Variants in CNGA1 observed in about 807,000 individuals in gnomAD.
CNGA1 encodes cyclic nucleotide-gated channel alpha-1.
CNGA1 carries 53 observed loss-of-function variants against 69.7 expected under a neutral mutation model. The ratio of observed to expected loss-of-function variants is 0.76; its 90% confidence interval spans 0.61 to 0.96. The LOEUF (loss-of-function observed/expected upper bound fraction) is 0.96, where lower values mean the gene tolerates loss of function less well. Among genes scored for constraint, CNGA1 ranks in the 40% least tolerant of loss-of-function variants. The pLI, the probability that CNGA1 is intolerant of heterozygous loss-of-function variation, is 0.00. For missense variants in CNGA1, 739 were observed against 811.2 expected (o/e 0.91, Z 1.08); for synonymous variants, 249 against 283.5 (o/e 0.88, Z 1.22).
At chr4:47,998,467 C>T (rs143958395) in intron 2 of CNGA1, among the ~76,000 whole-genome samples, 3,223 of 152,200 alleles carry the variant, frequency 0.021, 120 homozygotes, top group Admixed American at 0.1. Flanking sequence ...TCAGTGAAGA[C>T]CTCAGGCATT....
intron 6 of CNGA1, among the ~76,000 whole-genome samples, chr4:47,944,342 A>T (rs2110144150): frequency 6.6e-6 from 1 of 152,340 alleles, no homozygotes; most frequent in Middle Eastern, 3.4e-3. Flanking sequence ...AAGTGAGGTG[A>T]GGCTTAACAT....
rs371153637 is a variant in CNGA1, at chr4:47,952,724, T to G, written c.-14-21A>C. ...CATATCTGAGGAGAAAGAAGTCTTATTAGTGGAAAGGCTATTTTTATATAT... is the reference window on the plus strand; with the variant it reads ...CATATCTGAGGAGAAAGAAGTCTTAGTAGTGGAAAGGCTATTTTTATATAT... On this transcript the variant is annotated intron_variant, in intron 3 of 10. Transcript: ENST00000514170. 7.1e-5 allele frequency: 109 copies of G among 1,540,822 alleles called. No homozygotes were observed. In the African/African-American group the frequency reaches 1.3e-3, roughly 19 times the overall value.
At chr4:48,002,877 G>A (rs1714725367) in intron 2 of CNGA1, among the ~76,000 whole-genome samples, 1 of 152,134 alleles carries the variant, frequency 6.6e-6, no homozygotes, top group South Asian at 2.1e-4. Flanking sequence ...CCCACAGCCT[G>A]ATGGCCTCCC....
chr4:47,993,073 T>A (rs1742341736), intron 2 of CNGA1, among the ~76,000 whole-genome samples: 1 of 152,184 alleles, frequency 6.6e-6, no homozygotes, highest in African/African-American at 2.4e-5. Context: ...CTTTTTCATA[T>A]GTTGTTGGAT....
chr4:47,981,085 T>A (rs1180060167), intron 3 of CNGA1, among the ~76,000 whole-genome samples: 1 of 152,214 alleles, frequency 6.6e-6, no homozygotes, highest in Non-Finnish European at 1.5e-5. Context: ...ATATGACACT[T>A]CCTTTGGGGA....
At chr4:47,986,040 G>C (rs1378094181) in intron 2 of CNGA1, among the ~76,000 whole-genome samples, 1 of 152,146 alleles carries the variant, frequency 6.6e-6, no homozygotes, top group Non-Finnish European at 1.5e-5. Flanking sequence ...CTGGAGCTTT[G>C]CAGCATATTG....
At chr4:47,974,029 C>G (rs1202727014) in intron 3 of CNGA1, among the ~76,000 whole-genome samples, 2 of 150,446 alleles carry the variant, frequency 1.3e-5, no homozygotes, top group Non-Finnish European at 3.0e-5. Context: ...CCCATCAATA[C>G]AAAAAATACA....
At chr4:47,945,190 C>A (rs1739321279) in intron 6 of CNGA1, among the ~76,000 whole-genome samples, 2 of 151,822 alleles carry the variant, frequency 1.3e-5, no homozygotes, top group Non-Finnish European at 2.9e-5. Flanking sequence ...TAGCAAGACC[C>A]CATCTCAAAA....
At chr4:47,968,516 G>C (rs1160402455) in intron 3 of CNGA1, among the ~76,000 whole-genome samples, 1 of 152,060 alleles carries the variant, frequency 6.6e-6, no homozygotes, top group Non-Finnish European at 1.5e-5. Flanking sequence ...TTAATACAGA[G>C]CATTAGCTAC....
chr4:47,973,964 G>T (rs930203935), intron 3 of CNGA1, among the ~76,000 whole-genome samples: 1 of 151,916 alleles, frequency 6.6e-6, no homozygotes, highest in Non-Finnish European at 1.5e-5. Context: ...TGGTTGAGGC[G>T]GGCGGATCTT....
chr4:47,945,463 T>C (rs1739342227), intron 6 of CNGA1, among the ~76,000 whole-genome samples: 1 of 152,182 alleles, frequency 6.6e-6, no homozygotes, highest in African/African-American at 2.4e-5. Flanking sequence ...CTTAGATACA[T>C]TGAAGACTGT....
At chr4:48,000,103 G>A (rs1714595037) in intron 2 of CNGA1, among the ~76,000 whole-genome samples, 1 of 152,056 alleles carries the variant, frequency 6.6e-6, no homozygotes, top group Non-Finnish European at 1.5e-5. Flanking sequence ...TGAAGACATA[G>A]CAATTGAAGC....
At chr4:48,014,969 G>A (rs2109360365) in intron 1 of CNGA1, among the ~76,000 whole-genome samples, 1 of 152,170 alleles carries the variant, frequency 6.6e-6, no homozygotes, top group East Asian at 1.9e-4. Flanking sequence ...TCAGGAGATT[G>A]AGAGCATGCT....
rs1216905031 is a variant in CNGA1 at position 47,937,297 on chromosome 4, C to G, written c.1185G>C (p.Met395Ile). ...CTCTGGCTGCATTCATGTTGGAAATCATAGAACCTATGTTACCAACGATGG... is the reference window on the plus strand; with the variant it reads ...CTCTGGCTGCATTCATGTTGGAAATGATAGAACCTATGTTACCAACGATGG... ...FATIVGNIGS[M>I]ISNMNAARAE... The change falls in exon 11 of 11, where the codon ATG becomes ATC. Residue 395 changes from methionine to isoleucine, a missense_variant. Transcript: ENST00000514170. 1 of 1,613,938 alleles carries G rather than the reference C, an allele frequency of 6.2e-7. No homozygotes were observed. Among genetic ancestry groups the G allele is most frequent in the Non-Finnish European group, 8.5e-7 (1 of 1,180,028 alleles).
At chr4:47,980,563 C>G (rs1053286376) in intron 3 of CNGA1, among the ~76,000 whole-genome samples, 10 of 147,124 alleles carry the variant, frequency 6.8e-5, no homozygotes, top group Non-Finnish European at 1.3e-4. Context: ...CAACCTCAAC[C>G]TCCTGGGCTC....
chr4:47,942,115 C>T lies in CNGA1; in HGVS notation c.471G>A (p.Ser157=), dbSNP rs369054249. 115 of 1,613,496 alleles carry T rather than the reference C, an allele frequency of 7.1e-5. No individual in the cohort carries two copies. Among genetic ancestry groups the T allele is most frequent in the Non-Finnish European group, 9.1e-5 (107 of 1,179,674 alleles). Reference sequence around the variant, plus strand: ...ACAGCCAGTTGTAATATGTGTTTCCCGAGGGATCAATAACCACAACTTCTT... The same window carrying T: ...ACAGCCAGTTGTAATATGTGTTTCCTGAGGGATCAATAACCACAACTTCTT... ...EKKEVVVIDP[S]GNTYYNWLFC... Residue 157 remains serine (S), a synonymous_variant, in exon 9 of 11, where the codon TCG becomes TCA. Transcript: ENST00000514170.
chr4:47,939,693 G>C (rs1738949296), intron 10 of CNGA1, among the ~76,000 whole-genome samples: 1 of 152,196 alleles, frequency 6.6e-6, no homozygotes, highest in African/African-American at 2.4e-5. Flanking sequence ...AACCCAGCTG[G>C]TGTTACAGAA....
intron 3 of CNGA1, among the ~76,000 whole-genome samples, chr4:47,980,476 T>C (rs2015103): frequency 0.015 from 686 of 45,560 alleles, no homozygotes; most frequent in South Asian, 0.022. Flanking sequence ...TTCTTTCTTT[T>C]TTTTTTTTTT....
chr4:47,950,628 G>T (rs1042899032), intron 5 of CNGA1, among the ~76,000 whole-genome samples: 1 of 152,038 alleles, frequency 6.6e-6, no homozygotes, highest in Non-Finnish European at 1.5e-5. Flanking sequence ...CAATGGGAAG[G>T]CTGGAGGTAG....
Sources: allele counts gnomAD v4.1 joint callset (sites outside exome capture counted in the v4.1 genomes callset), GRCh38; gene constraint gnomAD v4.1.1; transcripts MANE v1.5; gene names NCBI Gene and HGNC (gene_info 2026-07-23, HGNC 2026-07-21).